OR6M1: variants seen among roughly 807,000 people sequenced by gnomAD.
OR6M1 encodes olfactory receptor family 6 subfamily M member 1.
For synonymous variants in OR6M1, 167 were observed against 146.3 expected, an observed-to-expected ratio of 1.14 and a Z score of -1.02; for missense variants, 364 against 377.8, an observed-to-expected ratio of 0.96 and a Z score of 0.30.
Position 123,805,755 on chromosome 11 carries a change from G to A in OR6M1, c.595C>T (p.Leu199Phe). ...GAGCTCAGGATGACAAGGGCAGAGA[G>A]GAGAAAGTTTATCTTCTCAATGAGG... ...THLIEKINFL[L>F]SALVILSSLA... Residue 199 changes from leucine (L) to phenylalanine (F), a missense_variant, in exon 1 of 1, where the codon CTC becomes TTC. Leu to Phe is a conservative substitution (Grantham distance 22). Coordinates refer to ENST00000309154, the MANE Select transcript of OR6M1 (RefSeq NM_001005325.1). The A allele has an allele frequency of 1.2e-6, 2 of 1,613,866 alleles. No individual in the cohort carries two copies.
Position 123,805,897 on chromosome 11 carries a change from G to C in OR6M1, c.453C>G (p.Phe151Leu). The C allele has an allele frequency of 6.2e-7, 1 of 1,613,898 alleles. No individual in the cohort carries two copies. The highest frequency in any genetic ancestry group is 8.5e-7 in the Non-Finnish European group (1 of 1,179,952). ...LLVLGCWVGA[F>L]LSVLFPTIVV... ...CAATGGTTGGAAACAACACAGACAG[G>C]AAGGCTCCCACCCAGCATCCCAGAA... Residue 151 changes from phenylalanine (F) to leucine (L), a missense_variant, in exon 1 of 1, where the codon TTC (phenylalanine) becomes TTG (leucine). By Grantham distance (22) the Phe-to-Leu change is conservative. Transcript: ENST00000309154.
chr11:123,805,933 G>T lies in OR6M1; in HGVS notation c.417C>A (p.Cys139Ter). The T allele has an allele frequency of 6.2e-7, 1 of 1,613,674 alleles. No homozygotes were observed. Among genetic ancestry groups the T allele is most frequent in the Middle Eastern group, 1.7e-4 (1 of 6,054 alleles). ...CCCAGCATCCCAGAACCAGCAGAAG[G>T]CAGGCCCTGCTGTTCATGATGACCG... Reference protein sequence around the residue: ...HYTVIMNSRACLLLVLGCWVG... With the variant: ...HYTVIMNSRA The change falls in exon 1 of 1, where the codon TGC (cysteine) becomes TGA (stop). Residue 139 changes from cysteine (C) to a stop codon, truncating the protein, a stop_gained. Coordinates refer to ENST00000309154, the MANE Select transcript of OR6M1 (RefSeq NM_001005325.1). LOFTEE classifies it low-confidence loss of function (END_TRUNC).
At position 123,806,319 on chromosome 11, in the gene OR6M1, T is replaced by C. The variant is rs759587870; in HGVS notation, c.31A>G (p.Thr11Ala). 2 of 1,611,518 alleles carry C rather than the reference T, an allele frequency of 1.2e-6. No homozygotes were observed. Among genetic ancestry groups the C allele is most frequent in the East Asian group, 4.5e-5 (2 of 44,888 alleles). MGNWSTVTEI[T>A]LIAFPALLEI... ...AGGAGAGCTGGGAAGGCAATTAGGGTGATTTCAGTCACAGTGCTCCAGTTT... is the reference window on the plus strand; with the variant it reads ...AGGAGAGCTGGGAAGGCAATTAGGGCGATTTCAGTCACAGTGCTCCAGTTT... Residue 11 changes from threonine (T) to alanine (A), a missense_variant, in exon 1 of 1, where the codon ACC (threonine) becomes GCC (alanine). By Grantham distance (58) the Thr-to-Ala change is moderately conservative. Coordinates refer to ENST00000309154, the MANE Select transcript of OR6M1 (RefSeq NM_001005325.1).
At position 123,806,133 on chromosome 11, in the gene OR6M1, T is replaced by C. The variant is rs1862387706; in HGVS notation, c.217A>G (p.Thr73Ala). 3 of 1,613,942 alleles carry C rather than the reference T, an allele frequency of 1.9e-6. No individual in the cohort carries two copies. Among genetic ancestry groups the C allele is most frequent in the African/African-American group, 2.7e-5 (2 of 74,892 alleles). ...GCCAACAACTTTGGGGTAATGACAG[T>C]GGTGTATAAGATATCCAGAAAGGAC... ...NLSFLDILYT[T>A]VITPKLLACL... Residue 73 changes from threonine to alanine, a missense_variant, in exon 1 of 1, where the codon ACT becomes GCT. Thr to Ala is a moderately conservative substitution (Grantham distance 58). Coordinates refer to ENST00000309154, the MANE Select transcript of OR6M1 (RefSeq NM_001005325.1).
At position 123,805,464 on chromosome 11, in the gene OR6M1, C is replaced by T. The variant is rs1488880447; in HGVS notation, c.886G>A (p.Glu296Lys). 1.2e-6 allele frequency: 2 copies of T among 1,613,872 alleles called. No homozygotes were observed. The highest frequency in any genetic ancestry group is 2.7e-5 in the African/African-American group (2 of 74,910). The change falls in exon 1 of 1, where the codon GAA becomes AAA. Residue 296 changes from glutamate to lysine, a missense_variant. By Grantham distance (56) the Glu-to-Lys change is moderately conservative. Transcript: ENST00000309154. ...IYSLRNEKVQ[E>K]VLRETVNRIM... ...CTGTTCACTGTCTCTCTCAACACTTCCTGTACCTTCTCATTCCTCAAGCTG... is the reference window on the plus strand; with the variant it reads ...CTGTTCACTGTCTCTCTCAACACTTTCTGTACCTTCTCATTCCTCAAGCTG...
Position 123,806,054 on chromosome 11 carries a change from G to C in OR6M1, c.296C>G (p.Thr99Arg), listed in dbSNP as rs749870297. Residue 99 changes from threonine (T) to arginine (R), a missense_variant, in exon 1 of 1, where the codon ACA becomes AGA. Coordinates refer to ENST00000309154, the MANE Select transcript of OR6M1 (RefSeq NM_001005325.1). ...TISFAGCMIQ[T>R]YFYFFLGTVE... is the part of the protein sequence containing the mutation. The stretch of plus-strand genomic sequence containing the variant: ...CGTCCCCAGAAAGAAGTAGAAATAT[G>C]TTTGGATCATGCAACCAGCAAAAGA... 3.5e-5 allele frequency: 56 copies of C among 1,613,944 alleles called. No individual in the cohort carries two copies. Among genetic ancestry groups the C allele is most frequent in the Non-Finnish European group, 4.2e-5 (50 of 1,180,008 alleles).
Position 123,805,718 on chromosome 11 carries a change from G to A in OR6M1, c.632C>T (p.Thr211Ile), listed in dbSNP as rs199571416. 3.0e-5 allele frequency: 48 copies of A among 1,614,042 alleles called. No homozygotes were observed. The highest frequency in any genetic ancestry group is 5.9e-6 in the Non-Finnish European group (7 of 1,179,980). Residue 211 changes from threonine (T) to isoleucine (I), a missense_variant, in exon 1 of 1, where the codon ACT becomes ATT. Coordinates refer to ENST00000309154, the MANE Select transcript of OR6M1 (RefSeq NM_001005325.1). The part of the protein sequence containing the change: ...ALVILSSLAF[T>I]TGSYVYIIST... Reference sequence around the variant, plus strand: ...AATTATGTACACGTAGGACCCAGTAGTGAATGCCAGGGAGCTCAGGATGAC... The same window carrying A: ...AATTATGTACACGTAGGACCCAGTAATGAATGCCAGGGAGCTCAGGATGAC...
At position 123,806,047 on chromosome 11, in the gene OR6M1, G is replaced by A; in HGVS notation, c.303C>T (p.Phe101=). Residue 101 remains phenylalanine (F), a synonymous_variant, in exon 1 of 1, where the codon TTC becomes TTT. Transcript: ENST00000309154. The part of the protein sequence containing the change: ...SFAGCMIQTY[F]YFFLGTVEFI... ...ACTCCACCGTCCCCAGAAAGAAGTA[G>A]AAATATGTTTGGATCATGCAACCAG... is the stretch of plus-strand genomic sequence containing the variant. 1 of 1,614,060 alleles carries A rather than the reference G, an allele frequency of 6.2e-7. No individual in the cohort carries two copies. Among genetic ancestry groups the A allele is most frequent in the South Asian group, 1.1e-5 (1 of 91,074 alleles).
chr11:123,805,538 G>A lies in OR6M1; in HGVS notation c.812C>T (p.Ala271Val), dbSNP rs1862378218. 6.2e-7 allele frequency: 1 copy of A among 1,613,934 alleles called. No homozygotes were observed. Among genetic ancestry groups the A allele is most frequent in the East Asian group, 2.2e-5 (1 of 44,838 alleles). Residue 271 changes from alanine (A) to valine (V), a missense_variant, in exon 1 of 1, where the codon GCC becomes GTC. Ala to Val is a moderately conservative substitution (Grantham distance 64). Transcript: ENST00000309154. ...GGTCACCACTGTGATGAGGACAGCG[G>A]CCACCTTGTCATAATCCAGTGAGGA... ...QNSSLDYDKV[A>V]AVLITVVTPL...
chr11:123,805,627 G>C lies in OR6M1; in HGVS notation c.723C>G (p.His241Gln), dbSNP rs1236820843. 5.0e-6 allele frequency: 8 copies of C among 1,613,890 alleles called. No individual in the cohort carries two copies. The highest frequency in any genetic ancestry group is 1.3e-5 in the African/African-American group (1 of 74,922). The change falls in exon 1 of 1, where the codon CAC becomes CAG. Residue 241 changes from histidine (H) to glutamine (Q), a missense_variant. Physicochemically the swap from His to Gln is conservative, Grantham distance 24 (BLOSUM62 0). Transcript: ENST00000309154. Reference sequence around the variant, plus strand: ...CGTGGGCAATGGAGACAACAGTGATGTGAGAAGCACAGGTAGAAAAAGCTT... The same window carrying C: ...CGTGGGCAATGGAGACAACAGTGATCTGAGAAGCACAGGTAGAAAAAGCTT... ...RQKAFSTCAS[H>Q]ITVVSIAHGS...
In OR6M1 at chr11:123,806,339, C is replaced by T; in HGVS notation, c.11G>A (p.Trp4Ter). 1.2e-6 allele frequency: 2 copies of T among 1,605,902 alleles called. No individual in the cohort carries two copies. Among genetic ancestry groups the T allele is most frequent in the Non-Finnish European group, 1.7e-6 (2 of 1,177,576 alleles). The change falls in exon 1 of 1, where the codon TGG becomes TAG. Residue 4 changes from tryptophan (W) to a stop codon, truncating the protein, a stop_gained. Coordinates refer to ENST00000309154, the MANE Select transcript of OR6M1 (RefSeq NM_001005325.1). LOFTEE classifies it low-confidence loss of function (END_TRUNC). ...TAGGGTGATTTCAGTCACAGTGCTC[C>T]AGTTTCCCATGACAACTACTATATG... MGN[W>*]STVTEITLIA... is the part of the protein sequence containing the mutation.
Position 123,805,679 on chromosome 11 carries a change from C to T in OR6M1, c.671G>A (p.Arg224His), listed in dbSNP as rs77922487. The T allele has an allele frequency of 3.4e-3, 5,478 of 1,613,944 alleles. 111 individuals carry two copies. The African/African-American group carries it at 0.052, about 15-fold the overall frequency. ...CTGACGGCCCTGGGTGGAGGGGATACGCAGGATGGTAGAAATTATGTACAC... is the reference window on the plus strand; with the variant it reads ...CTGACGGCCCTGGGTGGAGGGGATATGCAGGATGGTAGAAATTATGTACAC... ...SYVYIISTILRIPSTQGRQKA... is the reference protein window; with the variant it reads ...SYVYIISTILHIPSTQGRQKA... The change falls in exon 1 of 1, where the codon CGT becomes CAT. Residue 224 changes from arginine (R) to histidine (H), a missense_variant. Transcript: ENST00000309154.
chr11:123,806,096 C>G lies in OR6M1; in HGVS notation c.254G>C (p.Gly85Ala). 1 of 1,614,080 alleles carries G rather than the reference C, an allele frequency of 6.2e-7. No individual in the cohort carries two copies. The highest frequency in any genetic ancestry group is 8.5e-7 in the Non-Finnish European group (1 of 1,180,018). ...AGCAAAAGATATGGTTTTCTCTTCT[C>G]CTAGGAGGCAGGCCAACAACTTTGG... The part of the protein sequence containing the change: ...ITPKLLACLL[G>A]EEKTISFAGC... Residue 85 changes from glycine to alanine, a missense_variant, in exon 1 of 1, where the codon GGA (glycine) becomes GCA (alanine). Transcript: ENST00000309154.
rs1862378250 is a variant in OR6M1 at position 123,805,539 on chromosome 11, C to T, written c.811G>A (p.Ala271Thr). The stretch of plus-strand genomic sequence containing the variant: ...GTCACCACTGTGATGAGGACAGCGG[C>T]CACCTTGTCATAATCCAGTGAGGAG... The part of the protein sequence containing the change: ...QNSSLDYDKV[A>T]AVLITVVTPL... The change falls in exon 1 of 1, where the codon GCC becomes ACC. Residue 271 changes from alanine (A) to threonine (T), a missense_variant. Physicochemically the swap from Ala to Thr is moderately conservative, Grantham distance 58. Transcript: ENST00000309154. 2 of 1,613,910 alleles carry T rather than the reference C, an allele frequency of 1.2e-6. No individual in the cohort carries two copies. Among genetic ancestry groups the T allele is most frequent in the Non-Finnish European group, 1.7e-6 (2 of 1,179,912 alleles).
rs1204018603 is a variant in OR6M1 at position 123,805,660 on chromosome 11, GC to G, written c.689del (p.Gly230AlafsTer28). 4 of 1,613,822 alleles carry G rather than the reference GC, an allele frequency of 2.5e-6. No individual in the cohort carries two copies. The highest frequency in any genetic ancestry group is 2.2e-5 in the East Asian group (1 of 44,870). On this transcript the variant is annotated frameshift_variant, in exon 1 of 1. Transcript: ENST00000309154. LOFTEE classifies it low-confidence loss of function (END_TRUNC). ...CACAGGTAGAAAAAGCTTTCTGACGGCCCTGGGTGGAGGGGATACGCAGGAT... is the reference window on the plus strand; with the variant it reads ...CACAGGTAGAAAAAGCTTTCTGACGGCCTGGGTGGAGGGGATACGCAGGAT... ...STILRIPSTQ[G>X]RQKAFSTCAS... is the part of the protein sequence containing the mutation.
In OR6M1 at chr11:123,806,027, AC is replaced by A; in HGVS notation, c.322del (p.Val108TrpfsTer8). 1 of 1,614,026 alleles carries A rather than the reference AC, an allele frequency of 6.2e-7. No homozygotes were observed. Among genetic ancestry groups the A allele is most frequent in the Non-Finnish European group, 8.5e-7 (1 of 1,179,974 alleles). ...CATCACCGCCAAGAGGATAAACTCC[AC>A]CGTCCCCAGAAAGAAGTAGAAATAT... Reference protein sequence around the residue: ...QTYFYFFLGTVEFILLAVMSF... With the variant: ...QTYFYFFLGTXEFILLAVMSF... On this transcript the variant is annotated frameshift_variant, in exon 1 of 1. Coordinates refer to ENST00000309154, the MANE Select transcript of OR6M1 (RefSeq NM_001005325.1). LOFTEE classifies it low-confidence loss of function (END_TRUNC).
At position 123,806,006 on chromosome 11, in the gene OR6M1, A is replaced by G. The variant is rs74738830; in HGVS notation, c.344T>C (p.Val115Ala). 6.2e-7 allele frequency: 1 copy of G among 1,614,012 alleles called. No homozygotes were observed. Among genetic ancestry groups the G allele is most frequent in the Non-Finnish European group, 8.5e-7 (1 of 1,179,970 alleles). Residue 115 changes from valine (V) to alanine (A), a missense_variant, in exon 1 of 1, where the codon GTG becomes GCG. By Grantham distance (64) the Val-to-Ala change is moderately conservative. Transcript: ENST00000309154. ...LGTVEFILLA[V>A]MSFDRYMAIC... is the part of the protein sequence containing the mutation. The stretch of plus-strand genomic sequence containing the variant: ...AGCCATGTAGCGGTCAAAGGACATC[A>G]CCGCCAAGAGGATAAACTCCACCGT...
Position 123,805,541 on chromosome 11 carries a change from A to G in OR6M1, c.809T>C (p.Val270Ala), listed in dbSNP as rs1226386214. The stretch of plus-strand genomic sequence containing the variant: ...CACCACTGTGATGAGGACAGCGGCC[A>G]CCTTGTCATAATCCAGTGAGGAGTT... Reference protein sequence around the residue: ...NQNSSLDYDKVAAVLITVVTP... With the variant: ...NQNSSLDYDKAAAVLITVVTP... Residue 270 changes from valine to alanine, a missense_variant, in exon 1 of 1, where the codon GTG becomes GCG. Val to Ala is a moderately conservative substitution (Grantham distance 64). Coordinates refer to ENST00000309154, the MANE Select transcript of OR6M1 (RefSeq NM_001005325.1). 2 of 1,613,974 alleles carry G rather than the reference A, an allele frequency of 1.2e-6. No individual in the cohort carries two copies. Among genetic ancestry groups the G allele is most frequent in the South Asian group, 2.2e-5 (2 of 91,076 alleles).
rs1415102363 is a variant in OR6M1 at position 123,806,084 on chromosome 11, G to GT, written c.265dup (p.Thr89AsnfsTer31). On this transcript the variant is annotated frameshift_variant, in exon 1 of 1. Coordinates refer to ENST00000309154, the MANE Select transcript of OR6M1 (RefSeq NM_001005325.1). LOFTEE classifies it low-confidence loss of function (END_TRUNC). ...GATCATGCAACCAGCAAAAGATATGGTTTTCTCTTCTCCTAGGAGGCAGGC... is the reference window on the plus strand; with the variant it reads ...GATCATGCAACCAGCAAAAGATATGGTTTTTCTCTTCTCCTAGGAGGCAGGC... 1 of 1,614,012 alleles carries GT rather than the reference G, an allele frequency of 6.2e-7. No homozygotes were observed. The highest frequency in any genetic ancestry group is 2.2e-5 in the East Asian group (1 of 44,884).
Sources: allele counts gnomAD v4.1 joint callset, GRCh38; gene constraint gnomAD v4.1.1; transcripts MANE v1.5; gene names NCBI Gene and HGNC (gene_info 2026-07-23, HGNC 2026-07-21).